GPC5: variants seen among roughly 807,000 people sequenced by gnomAD.
GPC5 encodes glypican 5.
Under a neutral mutation model 53.9 loss-of-function variants are expected in GPC5, and 47 were observed. The observed-to-expected ratio is 0.87, with a 90% confidence interval of 0.69 to 1.11. GPC5 has a LOEUF of 1.11. Ranked by LOEUF, GPC5 falls within the 50% of genes most tolerant of loss-of-function variation. The probability of loss-of-function intolerance (pLI) is 0.00; values close to 1 mark genes in which losing one functional copy is unlikely to be tolerated. For synonymous variants in GPC5, 286 were observed against 263.3 expected, an observed-to-expected ratio of 1.09 and a Z score of -0.84; for missense variants, 748 against 713.1, an observed-to-expected ratio of 1.05 and a Z score of -0.56.
intron 7 of GPC5, among the ~76,000 whole-genome samples, chr13:92,633,368 CA>C (rs35244755): frequency 0.62 from 92,345 of 149,208 alleles, 28,968 homozygotes; most frequent in East Asian, 0.93. Context: ...TTATCTGAGT[CA>C]AAAAAAAAAG....
At chr13:91,944,356 A>C (rs1428591041) in intron 6 of GPC5, among the ~76,000 whole-genome samples, 3 of 152,010 alleles carry the variant, frequency 2.0e-5, no homozygotes, top group South Asian at 2.1e-4. Context: ...TCAGCCTCCC[A>C]AAGTTCTGGG....
chr13:92,356,595 G>A (rs905899271), intron 7 of GPC5, among the ~76,000 whole-genome samples: 3 of 152,156 alleles, frequency 2.0e-5, no homozygotes, highest in Non-Finnish European at 2.9e-5. Context: ...TTGGATATAG[G>A]TGTGAGTGAA....
At chr13:91,589,774 A>T (rs2032729453) in intron 2 of GPC5, among the ~76,000 whole-genome samples, 3 of 152,120 alleles carry the variant, frequency 2.0e-5, no homozygotes. Context: ...ATTCTATTAG[A>T]TCCTTATTTA....
chr13:92,641,209 A>T (rs2139149783), intron 7 of GPC5, among the ~76,000 whole-genome samples: 1 of 152,314 alleles, frequency 6.6e-6, no homozygotes, highest in South Asian at 2.1e-4. Flanking sequence ...GCTGCAAATT[A>T]ACCTCACCAA....
chr13:91,959,821 G>A (rs991571682), intron 6 of GPC5, among the ~76,000 whole-genome samples: 7 of 151,966 alleles, frequency 4.6e-5, no homozygotes, highest in African/African-American at 9.7e-5. Context: ...ACCAGCAAAC[G>A]TCATGCATCA....
chr13:91,454,560 C>G (rs1881405462), intron 2 of GPC5, among the ~76,000 whole-genome samples: 1 of 152,044 alleles, frequency 6.6e-6, no homozygotes, highest in Admixed American at 6.6e-5. Flanking sequence ...GACATTTAAT[C>G]AGATATTTAT....
intron 1 of GPC5, among the ~76,000 whole-genome samples, chr13:91,402,160 A>C (rs1050753159): frequency 6.6e-6 from 1 of 152,214 alleles, no homozygotes; most frequent in South Asian, 2.1e-4. Flanking sequence ...GTTCATAAAA[A>C]ATAATACATT....
At chr13:92,631,575 A>G (rs1417576028) in intron 7 of GPC5, among the ~76,000 whole-genome samples, 1 of 152,102 alleles carries the variant, frequency 6.6e-6, no homozygotes, top group East Asian at 1.9e-4. Context: ...GATAATAAAA[A>G]CTGTAGCTAT....
chr13:92,076,733 A>T (rs2041255091), intron 6 of GPC5, among the ~76,000 whole-genome samples: 1 of 152,172 alleles, frequency 6.6e-6, no homozygotes, highest in Non-Finnish European at 1.5e-5. Flanking sequence ...AAGTAAAAAA[A>T]GTTTACCCCA....
chr13:91,576,878 C>A (rs142569074), intron 2 of GPC5, among the ~76,000 whole-genome samples: 2 of 152,206 alleles, frequency 1.3e-5, no homozygotes, highest in East Asian at 3.9e-4. Context: ...CTTAATGTCA[C>A]ACTTAGCAGA....
chr13:92,648,510 C>T (rs1436070365), intron 7 of GPC5, among the ~76,000 whole-genome samples: 2 of 152,064 alleles, frequency 1.3e-5, no homozygotes, highest in African/African-American at 4.8e-5. Flanking sequence ...CACCATTCAC[C>T]TCTGCTATCA....
chr13:92,003,847 G>T (rs1357200271), intron 6 of GPC5, among the ~76,000 whole-genome samples: 1 of 152,146 alleles, frequency 6.6e-6, no homozygotes, highest in Non-Finnish European at 1.5e-5. Flanking sequence ...AATTCAGGCA[G>T]TACAAGTACA....
At chr13:92,162,280 A>C (rs1440744333) in intron 7 of GPC5, among the ~76,000 whole-genome samples, 2 of 152,092 alleles carry the variant, frequency 1.3e-5, no homozygotes, top group Non-Finnish European at 2.9e-5. Flanking sequence ...CCACATTCAT[A>C]CATCCATTTA....
At chr13:92,069,407 CATGT>C (rs1468985164) in intron 6 of GPC5, among the ~76,000 whole-genome samples, 184 of 110,670 alleles carry the variant, frequency 1.7e-3, no homozygotes, top group African/African-American at 6.7e-3. Context: ...TGTGTGCGTG[CATGT>C]GTGTGTGTGT....
intron 7 of GPC5, among the ~76,000 whole-genome samples, chr13:92,435,770 G>A (rs1877282174): frequency 6.6e-6 from 1 of 152,142 alleles, no homozygotes; most frequent in Non-Finnish European, 1.5e-5. Flanking sequence ...TTGTGCTCAT[G>A]GACACAGGCA....
intron 7 of GPC5, among the ~76,000 whole-genome samples, chr13:92,351,291 GTATA>G (rs1332539304): frequency 2.6e-5 from 4 of 151,712 alleles, no homozygotes; most frequent in Non-Finnish European, 5.9e-5. Context: ...TATGGGAATA[GTATA>G]TATAATTTTT....
chr13:91,510,976 C>T (rs1032264156), intron 2 of GPC5, among the ~76,000 whole-genome samples: 1 of 151,696 alleles, frequency 6.6e-6, no homozygotes, highest in African/African-American at 2.4e-5. Context: ...TTTTTTTATA[C>T]TGTACTGCTT....
chr13:92,184,903 T>C (rs901742013), intron 7 of GPC5, among the ~76,000 whole-genome samples: 11 of 152,204 alleles, frequency 7.2e-5, no homozygotes, highest in Non-Finnish European at 1.6e-4. Context: ...TGTCTAGTAA[T>C]GTGCCAGGGT....
intron 5 of GPC5, among the ~76,000 whole-genome samples, chr13:91,758,793 CAT>C (rs1314704886): frequency 1.3e-5 from 2 of 152,254 alleles, no homozygotes; most frequent in East Asian, 3.9e-4. Flanking sequence ...CTTCCAAGTG[CAT>C]AGAGACTCCA....
Sources: allele counts gnomAD v4.1 joint callset (sites outside exome capture counted in the v4.1 genomes callset), GRCh38; gene constraint gnomAD v4.1.1; transcripts MANE v1.5; gene names NCBI Gene and HGNC (gene_info 2026-07-23, HGNC 2026-07-21).